The following ZNF804B variants were observed in gnomAD, a reference collection of about 807,000 sequenced individuals.
ZNF804B encodes zinc finger 804B.
A neutral mutation model predicts 101.4 loss-of-function variants in ZNF804B; 80 were observed. That is an observed-to-expected ratio of 0.79 (90% confidence interval 0.66 to 0.95). The LOEUF is 0.95. Among genes scored for constraint, ZNF804B ranks in the 40% least tolerant of loss-of-function variants. ZNF804B has a pLI of 0.00. For missense variants in ZNF804B, 1,673 were observed against 1,561.9 expected (o/e 1.07, Z -1.20); for synonymous variants, 622 against 558.8 (o/e 1.11, Z -1.59).
intron 1 of ZNF804B, among the ~76,000 whole-genome samples, chr7:89,012,577 G>T (rs1788481951): frequency 6.6e-6 from 1 of 152,108 alleles, no homozygotes; most frequent in Non-Finnish European, 1.5e-5. Context: ...GGTGACCTTT[G>T]CTCCACTTCC....
At chr7:89,294,683 T>A (rs1250588065) in intron 2 of ZNF804B, among the ~76,000 whole-genome samples, 1 of 152,094 alleles carries the variant, frequency 6.6e-6, no homozygotes, top group Non-Finnish European at 1.5e-5. Flanking sequence ...TTTCCTTTTA[T>A]CACTCTTAAT....
chr7:88,924,793 T>C (rs898964927), intron 1 of ZNF804B, among the ~76,000 whole-genome samples: 4 of 152,224 alleles, frequency 2.6e-5, no homozygotes, highest in Admixed American at 1.3e-4. Context: ...ACTTATGTTA[T>C]ACAATCTCCA....
At chr7:88,974,287 G>A (rs938651101) in intron 1 of ZNF804B, among the ~76,000 whole-genome samples, 55 of 151,236 alleles carry the variant, frequency 3.6e-4, no homozygotes, top group Non-Finnish European at 3.1e-4. Context: ...AATCTTTAGA[G>A]ATATTTAAAA....
At chr7:89,088,437 C>T (rs538734180) in intron 1 of ZNF804B, among the ~76,000 whole-genome samples, 1 of 151,754 alleles carries the variant, frequency 6.6e-6, no homozygotes, top group South Asian at 2.1e-4. Context: ...TTGTGACATG[C>T]TTTTTCTCAC....
intron 1 of ZNF804B, among the ~76,000 whole-genome samples, chr7:89,008,248 A>T (rs556068491): frequency 6.6e-6 from 1 of 152,258 alleles, no homozygotes; most frequent in South Asian, 2.1e-4. Context: ...TTAAAAAAAA[A>T]TCACAGTTTC....
intron 1 of ZNF804B, among the ~76,000 whole-genome samples, chr7:88,878,848 A>C (rs1315689365): frequency 1.3e-5 from 2 of 152,096 alleles, no homozygotes; most frequent in African/African-American, 4.8e-5. Context: ...TTTTCCAATT[A>C]ATTTGTTGTC....
chr7:88,895,530 A>G (rs1792272015), intron 1 of ZNF804B, among the ~76,000 whole-genome samples: 1 of 152,164 alleles, frequency 6.6e-6, no homozygotes, highest in Admixed American at 6.5e-5. Flanking sequence ...AAGCGATGAT[A>G]CCCCATTAGC....
chr7:89,246,192 C>T (rs1326440933), intron 2 of ZNF804B, among the ~76,000 whole-genome samples: 1 of 152,110 alleles, frequency 6.6e-6, no homozygotes, highest in Non-Finnish European at 1.5e-5. Flanking sequence ...GTCTCAGCAG[C>T]AGGTGCTGGA....
intron 1 of ZNF804B, among the ~76,000 whole-genome samples, chr7:89,110,158 T>A (rs1020600529): frequency 4.6e-5 from 7 of 152,034 alleles, no homozygotes; most frequent in Admixed American, 4.6e-4. Context: ...GGGTGCTAGG[T>A]AAAGGTGAGT....
At chr7:88,827,523 G>T (rs1015269926) in intron 1 of ZNF804B, among the ~76,000 whole-genome samples, 2 of 151,812 alleles carry the variant, frequency 1.3e-5, no homozygotes, top group African/African-American at 4.8e-5. Flanking sequence ...TGTCTTCATG[G>T]TGTTCCAGTC....
chr7:89,231,722 C>T (rs1008153511), intron 2 of ZNF804B, among the ~76,000 whole-genome samples: 1 of 151,806 alleles, frequency 6.6e-6, no homozygotes, highest in African/African-American at 2.4e-5. Context: ...ATTTGACTTT[C>T]TGTTTGTTGC....
Position 89,333,447 on chromosome 7 carries a change from T to G in ZNF804B, c.465T>G (p.Asn155Lys). 6.2e-7 allele frequency: 1 copy of G among 1,613,058 alleles called. No homozygotes were observed. The highest frequency in any genetic ancestry group is 8.5e-7 in the Non-Finnish European group (1 of 1,179,432). The change falls in exon 4 of 4, where the codon AAT becomes AAG. Residue 155 changes from asparagine to lysine, a missense_variant. Asn to Lys is a moderately conservative substitution (Grantham distance 94). Coordinates refer to ENST00000333190, the MANE Select transcript of ZNF804B (RefSeq NM_181646.5). ...QLQQGIFPIK[N>K]GRKVSCMKSA... is the part of the protein sequence containing the mutation. ...AGCAAGGAATTTTCCCCATTAAGAA[T>G]GGCAGAAAGGTATCATGCATGAAGA...
chr7:89,309,975 G>C (rs1228691059), intron 2 of ZNF804B, among the ~76,000 whole-genome samples: 1 of 151,402 alleles, frequency 6.6e-6, no homozygotes, highest in Admixed American at 6.6e-5. Context: ...TAAAAACCTG[G>C]ATGTCTCACA....
At chr7:89,268,893 A>T (rs560790501) in intron 2 of ZNF804B, among the ~76,000 whole-genome samples, 1 of 152,194 alleles carries the variant, frequency 6.6e-6, no homozygotes, top group Admixed American at 6.6e-5. Flanking sequence ...TAAAGAGAAG[A>T]CTCAGATCAG....
At chr7:88,935,472 G>A (rs947190133) in intron 1 of ZNF804B, among the ~76,000 whole-genome samples, 1 of 151,420 alleles carries the variant, frequency 6.6e-6, no homozygotes, top group African/African-American at 2.4e-5. Flanking sequence ...TCACTTGAGG[G>A]TAGGAATTTG....
chr7:88,897,923 C>A (rs1486943919), intron 1 of ZNF804B, among the ~76,000 whole-genome samples: 1 of 151,512 alleles, frequency 6.6e-6, no homozygotes. Context: ...ACTTAACCTG[C>A]ATTATTGTCA....
intron 1 of ZNF804B, among the ~76,000 whole-genome samples, chr7:89,166,092 TC>T (rs1411288481): frequency 3.3e-5 from 5 of 152,302 alleles, no homozygotes; most frequent in African/African-American, 9.6e-5. Context: ...TAGATTGGTG[TC>T]CTGTCCCCTG....
chr7:89,196,030 C>G (rs545944991), intron 1 of ZNF804B, among the ~76,000 whole-genome samples: 2 of 152,156 alleles, frequency 1.3e-5, no homozygotes, highest in Admixed American at 1.3e-4. Flanking sequence ...CATCGACATT[C>G]TTCACAGAAT....
intron 1 of ZNF804B, among the ~76,000 whole-genome samples, chr7:89,098,268 C>G (rs913382932): frequency 1.7e-5 from 2 of 117,144 alleles, no homozygotes; most frequent in Non-Finnish European, 3.8e-5. Flanking sequence ...AAAGCATCAT[C>G]ATAATTTTTT....
Sources: allele counts gnomAD v4.1 joint callset (sites outside exome capture counted in the v4.1 genomes callset), GRCh38; gene constraint gnomAD v4.1.1; transcripts MANE v1.5; gene names NCBI Gene and HGNC (gene_info 2026-07-23, HGNC 2026-07-21).